Variants in ERAP1 observed in about 807,000 individuals in gnomAD.
ERAP1 encodes the protein endoplasmic reticulum aminopeptidase 1.
A neutral mutation model predicts 103.7 loss-of-function variants in ERAP1; 86 were observed. The observed-to-expected ratio is 0.83, with a 90% CI of 0.70 to 0.99. ERAP1 has a LOEUF of 0.99. ERAP1 is among the 50% of genes least tolerant of loss of function. The pLI is 0.00. For missense variants in ERAP1, 1,009 were observed against 1,128.4 expected, an observed-to-expected ratio of 0.89 and a Z score of 1.52; for synonymous variants, 398 against 402.4, an observed-to-expected ratio of 0.99 and a Z score of 0.13.
chr5:96,833,350 CCTT>C, the ERAP1 span, among the ~76,000 whole-genome samples: 1 of 152,172 alleles, frequency 6.6e-6, no homozygotes, highest in Non-Finnish European at 1.5e-5. Context: ...GTTCATTACA[CCTT>C]CTGTGCTTTG....
the ERAP1 span, among the ~76,000 whole-genome samples, chr5:96,887,633 A>G: frequency 6.6e-6 from 1 of 152,066 alleles, no homozygotes; most frequent in African/African-American, 2.4e-5. Context: ...TTTTTCCCTC[A>G]ATGAAAGAAG....
the ERAP1 span, chr5:96,917,457 T>C: frequency 4.3e-6 from 7 of 1,610,152 alleles, no homozygotes; most frequent in Admixed American, 1.2e-4. Flanking sequence ...TTCAATATTT[T>C]ACAGGTGAAA....
At chr5:96,774,045 G>A (rs1308255790), downstream of ERAP1, 1 of 152,326 alleles carries the variant, frequency 6.6e-6, no homozygotes, top group Non-Finnish European at 1.5e-5. Flanking sequence ...CTATCCATCA[G>A]AAATAGTCAT....
At chr5:96,824,551 T>C in the ERAP1 span, among the ~76,000 whole-genome samples, 1 of 152,242 alleles carries the variant, frequency 6.6e-6, no homozygotes, top group Non-Finnish European at 1.5e-5. Flanking sequence ...GTTTCTATCA[T>C]ACTGACCTTC....
At chr5:96,898,495 A>G in the ERAP1 span, among the ~76,000 whole-genome samples, 4 of 147,574 alleles carry the variant, frequency 2.7e-5, no homozygotes, top group Admixed American at 7.0e-5. Flanking sequence ...TAATCCCATC[A>G]CTTTGGGAGA....
At chr5:96,859,177 G>A in the ERAP1 span, among the ~76,000 whole-genome samples, 1 of 151,794 alleles carries the variant, frequency 6.6e-6, no homozygotes, top group Non-Finnish European at 1.5e-5. Context: ...TTTGTTAGTT[G>A]TCTGTGCAGT....
chr5:96,924,031 T>C, the ERAP1 span, among the ~76,000 whole-genome samples: 6 of 152,184 alleles, frequency 3.9e-5, no homozygotes, highest in Non-Finnish European at 8.8e-5. Context: ...TCAAGGATGT[T>C]ACACAGATGT....
At chr5:96,922,460 A>G in the ERAP1 span, among the ~76,000 whole-genome samples, 1 of 152,296 alleles carries the variant, frequency 6.6e-6, no homozygotes, top group Middle Eastern at 3.4e-3. Context: ...GGGGCACATA[A>G]GACTGCTGGC....
At chr5:96,798,011 C>T in intron 3 of ERAP1, among the ~76,000 whole-genome samples, 1 of 152,156 alleles carries the variant, frequency 6.6e-6, no homozygotes, top group East Asian at 1.9e-4. Context: ...CCTAAAAGAG[C>T]TTCTGTTCTG....
At chr5:96,780,009 G>C (rs1475543432) in intron 18 of ERAP1, among the ~76,000 whole-genome samples, 1 of 152,194 alleles carries the variant, frequency 6.6e-6, no homozygotes, top group Non-Finnish European at 1.5e-5. Flanking sequence ...TCTGAAGGTA[G>C]ATGGTTACAT....
chr5:96,900,731 T>C, the ERAP1 span, among the ~76,000 whole-genome samples: 9 of 152,138 alleles, frequency 5.9e-5, no homozygotes, highest in Non-Finnish European at 1.2e-4. Context: ...GGCTGGAGTA[T>C]AGTGGCACAA....
At chr5:96,793,369 C>A (rs560435319) in intron 7 of ERAP1, 31 bp downstream of exon 7, 9 of 1,457,466 alleles carry the variant, frequency 6.2e-6, no homozygotes, top group South Asian at 1.1e-5. Context: ...AACAAATTAA[C>A]CTCAAATGTG....
intron 1 of ERAP1, among the ~76,000 whole-genome samples, chr5:96,806,927 T>A (rs1419393447): frequency 6.6e-6 from 1 of 152,064 alleles, no homozygotes; most frequent in Non-Finnish European, 1.5e-5. Flanking sequence ...TTAAAAATCC[T>A]CAGGCAAGAG....
the ERAP1 span, among the ~76,000 whole-genome samples, chr5:96,864,327 ATG>A: frequency 6.6e-6 from 1 of 152,234 alleles, no homozygotes; most frequent in African/African-American, 2.4e-5. Flanking sequence ...TGTCAAAGCC[ATG>A]TGTCTTTGTG....
At position 96,774,941 on chromosome 5, in the gene ERAP1, A is replaced by ATCTTG; in HGVS notation, c.*1450_*1454dup. 2.0e-6 allele frequency: 2 copies of ATCTTG among 984,592 alleles called. No homozygotes were observed. Among genetic ancestry groups the ATCTTG allele is most frequent in the Non-Finnish European group, 2.4e-6 (2 of 829,422 alleles). The allele number at this position is 984,592 out of a possible 1,614,324, so 61.0% of individuals were successfully genotyped here. A position where few individuals can be genotyped will look rare whatever the true frequency, so the allele number is the denominator to read the frequency against. On this transcript the variant is annotated 3_prime_UTR_variant, in exon 19 of 19. Transcript: ENST00000443439. ...TACCAATCATCAATCATATTCCCTTATCTTGAAGTTTTTGCCTTATATTCA... is the reference window on the plus strand; with the variant it reads ...TACCAATCATCAATCATATTCCCTTATCTTGTCTTGAAGTTTTTGCCTTATATTCA...
chr5:96,879,540 T>C, the ERAP1 span: 3 of 620,900 alleles, frequency 4.8e-6, no homozygotes, highest in South Asian at 6.5e-5. Flanking sequence ...TTTGTCATGC[T>C]ATAAGTGTGT....
At chr5:96,886,397 C>T in the ERAP1 span, among the ~76,000 whole-genome samples, 2 of 152,184 alleles carry the variant, frequency 1.3e-5, no homozygotes, top group African/African-American at 4.8e-5. Flanking sequence ...TGCTTTCAAT[C>T]AACAAAATGA....
At chr5:96,817,653 A>T in the ERAP1 span, among the ~76,000 whole-genome samples, 1 of 152,234 alleles carries the variant, frequency 6.6e-6, no homozygotes, top group Non-Finnish European at 1.5e-5. Flanking sequence ...CACAATGTAG[A>T]ACTTGGCCAC....
the ERAP1 span, among the ~76,000 whole-genome samples, chr5:96,929,121 T>G: frequency 3.6e-4 from 55 of 152,216 alleles, no homozygotes; most frequent in Admixed American, 1.4e-3. Flanking sequence ...CATGCCAATG[T>G]GTAAAACCCC....
Sources: allele counts gnomAD v4.1 joint callset (sites outside exome capture counted in the v4.1 genomes callset), GRCh38; gene constraint gnomAD v4.1.1; transcripts MANE v1.5; gene names NCBI Gene and HGNC (gene_info 2026-07-23, HGNC 2026-07-21).